The following FGGY variants were observed in gnomAD, a reference collection of about 807,000 sequenced individuals.
The protein encoded by FGGY is FGGY carbohydrate kinase domain-containing protein.
In FGGY, 72 loss-of-function variants were observed where a neutral mutation model predicts 71.3. The ratio of observed to expected loss-of-function variants is 1.01; its 90% CI spans 0.84 to 1.23. The LOEUF is 1.23. Ranked by LOEUF, FGGY falls within the 50% of genes most tolerant of loss-of-function variation. The pLI, the probability that FGGY is intolerant of heterozygous loss-of-function variation, is 0.00. For missense variants in FGGY, 668 were observed against 682.3 expected, an observed-to-expected ratio of 0.98 and a Z score of 0.23; for synonymous variants, 251 against 250.3, an observed-to-expected ratio of 1.00 and a Z score of -0.02.
chr1:59,333,773 C>T (rs2153182298), intron 2 of FGGY, among the ~76,000 whole-genome samples: 1 of 152,322 alleles, frequency 6.6e-6, no homozygotes, highest in Middle Eastern at 3.4e-3. Flanking sequence ...GTCTTTGTGA[C>T]TCATTGTCAT....
At chr1:59,636,183 C>T (rs1357734386) in intron 10 of FGGY, among the ~76,000 whole-genome samples, 1 of 152,174 alleles carries the variant, frequency 6.6e-6, no homozygotes, top group African/African-American at 2.4e-5. Context: ...CTGCCCTCAC[C>T]TCCACCCTAG....
At chr1:59,364,738 A>G (rs2056277990) in intron 4 of FGGY, among the ~76,000 whole-genome samples, 1 of 152,246 alleles carries the variant, frequency 6.6e-6, no homozygotes, top group Non-Finnish European at 1.5e-5. Context: ...CTGACTCAGC[A>G]TAGGGATGTC....
intron 5 of FGGY, among the ~76,000 whole-genome samples, chr1:59,451,304 A>T (rs2072642057): frequency 6.7e-6 from 1 of 150,118 alleles, no homozygotes. Context: ...CCTTCTCTAG[A>T]CTCTTACTTA....
intron 7 of FGGY, among the ~76,000 whole-genome samples, chr1:59,546,528 TGATG>T (rs1558303478): frequency 0.014 from 1,465 of 101,746 alleles, 14 homozygotes; most frequent in Admixed American, 0.029. Context: ...ATGATGATGA[TGATG>T]ATGATTATTA....
At chr1:59,750,696 A>G (rs2098237956) in intron 14 of FGGY, among the ~76,000 whole-genome samples, 1 of 152,212 alleles carries the variant, frequency 6.6e-6, no homozygotes, top group South Asian at 2.1e-4. Flanking sequence ...CTGTGTCAAA[A>G]GGAAAAGAAA....
At chr1:59,674,006 T>A (rs960000319) in intron 13 of FGGY, 33 bp from the exon 14 acceptor site, 2 of 1,600,176 alleles carry the variant, frequency 1.2e-6, no homozygotes, top group South Asian at 2.2e-5. Context: ...CTGGCTCTGC[T>A]CCCTAACCAA....
At chr1:59,613,732 A>G (rs2096717581) in intron 9 of FGGY, among the ~76,000 whole-genome samples, 1 of 152,182 alleles carries the variant, frequency 6.6e-6, no homozygotes, top group African/African-American at 2.4e-5. Context: ...AAAGATCAAC[A>G]AAATTGATAG....
chr1:59,519,490 T>C (rs2094762265), intron 7 of FGGY, among the ~76,000 whole-genome samples: 1 of 152,244 alleles, frequency 6.6e-6, no homozygotes, highest in African/African-American at 2.4e-5. Flanking sequence ...AAAGGATTCC[T>C]AGAGGGAGTG....
intron 14 of FGGY, among the ~76,000 whole-genome samples, chr1:59,736,587 A>C (rs1573868767): frequency 6.6e-6 from 1 of 152,198 alleles, no homozygotes; most frequent in Non-Finnish European, 1.5e-5. Context: ...CATTTTGCCC[A>C]AGCCCTAGAT....
chr1:59,312,200 G>A (rs575509396), intron 1 of FGGY, among the ~76,000 whole-genome samples: 26 of 152,166 alleles, frequency 1.7e-4, no homozygotes, highest in Non-Finnish European at 3.2e-4. Flanking sequence ...CGTTCTGTAA[G>A]TTGCCTGTTC....
chr1:59,657,054 T>C (rs1558701555), intron 11 of FGGY, among the ~76,000 whole-genome samples: 1 of 152,232 alleles, frequency 6.6e-6, no homozygotes, highest in Non-Finnish European at 1.5e-5. Context: ...CGTGGATATC[T>C]GCTGGGGATT....
At chr1:59,422,750 A>G (rs1432830828) in intron 5 of FGGY, among the ~76,000 whole-genome samples, 1 of 152,130 alleles carries the variant, frequency 6.6e-6, no homozygotes, top group East Asian at 1.9e-4. Flanking sequence ...TATAGCAGTT[A>G]TTATATAAGC....
rs901565849 is a variant in FGGY at position 59,373,588 on chromosome 1, C to T, written c.466-5161C>T. On this transcript the variant is annotated intron_variant, in intron 4 of 15. Transcript: ENST00000303721. ...GTTCATATGGAACCAAAAAAGAGCCCGCATCCCCAAGTCAATCCTAAGCCA... is the reference window on the plus strand; with the variant it reads ...GTTCATATGGAACCAAAAAAGAGCCTGCATCCCCAAGTCAATCCTAAGCCA... Among the ~76,000 whole-genome samples the T allele has an allele frequency of 2.3e-4, 35 of 152,146 alleles. No individual in the cohort carries two copies. The Middle Eastern group carries it at 0.014, about 59-fold the overall frequency.
chr1:59,330,700 T>C (rs2048309766), intron 2 of FGGY, among the ~76,000 whole-genome samples: 1 of 151,944 alleles, frequency 6.6e-6, no homozygotes, highest in Admixed American at 6.6e-5. Context: ...ACTGGAGGAA[T>C]AGAATGGTCA....
intron 15 of FGGY, 129 bp from the exon 16 acceptor site, chr1:59,762,374 C>A: frequency 1.5e-6 from 1 of 655,398 alleles, no homozygotes; most frequent in Non-Finnish European, 2.7e-6. Context: ...GCCCAGGATG[C>A]TGTAAGCATT....
chr1:59,653,401 C>T (rs963701804), intron 11 of FGGY, among the ~76,000 whole-genome samples: 8 of 151,992 alleles, frequency 5.3e-5, no homozygotes, highest in Admixed American at 1.3e-4. Context: ...TAGCAATCAG[C>T]GAGATTCTGT....
intron 5 of FGGY, among the ~76,000 whole-genome samples, chr1:59,424,032 C>T (rs1459750319): frequency 6.6e-6 from 1 of 152,206 alleles, no homozygotes; most frequent in Non-Finnish European, 1.5e-5. Flanking sequence ...AGGCCACTTA[C>T]AGTCAGTGTG....
chr1:59,646,603 C>A (rs991315473), intron 11 of FGGY, among the ~76,000 whole-genome samples: 3 of 151,782 alleles, frequency 2.0e-5, no homozygotes, highest in Admixed American at 2.0e-4. Context: ...AATTCGCCAG[C>A]TGGTATTGTG....
chr1:59,642,954 G>GA (rs2097052061), intron 11 of FGGY, among the ~76,000 whole-genome samples: 1 of 148,950 alleles, frequency 6.7e-6, no homozygotes, highest in African/African-American at 2.5e-5. Context: ...AGAATGGCGA[G>GA]AACCTGGGGG....
Sources: allele counts gnomAD v4.1 joint callset (sites outside exome capture counted in the v4.1 genomes callset), GRCh38; gene constraint gnomAD v4.1.1; transcripts MANE v1.5; gene names NCBI Gene and HGNC (gene_info 2026-07-23, HGNC 2026-07-21).